The following ITPR2 variants were observed in gnomAD, a reference collection of about 807,000 sequenced individuals.
ITPR2 encodes inositol 1,4,5-trisphosphate-gated calcium channel ITPR2.
Under a neutral mutation model 317.1 loss-of-function variants are expected in ITPR2, and 207 were observed. That is an observed-to-expected ratio of 0.65 (90% confidence interval 0.58 to 0.73). ITPR2 has a LOEUF of 0.73. Among genes scored for constraint, ITPR2 ranks in the 30% least tolerant of loss-of-function variants. ITPR2 has a pLI of 0.00. For missense variants in ITPR2, 2,613 were observed against 3,284.0 expected (o/e 0.80, Z 4.99); for synonymous variants, 1,156 against 1,149.1 (o/e 1.01, Z -0.12).
At position 26,505,744 on chromosome 12, in the gene ITPR2, T is replaced by A. The variant is rs1291029591; in HGVS notation, c.5074-10484A>T. Among the ~76,000 whole-genome samples the A allele has an allele frequency of 2.6e-5, 4 of 152,148 alleles. 1 individual carries two copies. The highest frequency in any genetic ancestry group is 5.9e-5 in the Non-Finnish European group (4 of 68,024). On this transcript the variant is annotated intron_variant, in intron 37 of 56. Coordinates refer to ENST00000381340, the MANE Select transcript of ITPR2 (RefSeq NM_002223.4). ...TGATTCCAACACCTAGCCCCAAAGC[T>A]AGCAAACTAAGTACTCAATAAATAT...
At chr12:26,635,952 G>A (rs1946854728) in intron 21 of ITPR2, among the ~76,000 whole-genome samples, 1 of 152,172 alleles carries the variant, frequency 6.6e-6, no homozygotes, top group Non-Finnish European at 1.5e-5. Flanking sequence ...TAGGTAATAT[G>A]GTAGCAACCT....
intron 52 of ITPR2, among the ~76,000 whole-genome samples, chr12:26,402,428 A>C (rs1279061041): frequency 2.0e-5 from 3 of 152,228 alleles, no homozygotes; most frequent in Admixed American, 6.5e-5. Context: ...ATTAATCAGC[A>C]CATAAACGCT....
chr12:26,489,083 G>A (rs1375293481), intron 39 of ITPR2, among the ~76,000 whole-genome samples: 2 of 152,114 alleles, frequency 1.3e-5, no homozygotes, highest in Admixed American at 1.3e-4. Context: ...TTTTAAGAAC[G>A]AGGTATCTAC....
intron 2 of ITPR2, among the ~76,000 whole-genome samples, chr12:26,761,098 C>T (rs568565529): frequency 3.8e-4 from 58 of 152,240 alleles, no homozygotes; most frequent in African/African-American, 5.5e-4. Context: ...GTTTCAAGTC[C>T]GCCCCCATGG....
intron 4 of ITPR2, 74 bp from the exon 5 acceptor site, chr12:26,722,629 C>T: frequency 1.8e-6 from 2 of 1,133,436 alleles, no homozygotes; most frequent in Non-Finnish European, 2.5e-6. Flanking sequence ...ATGTTTTATA[C>T]ATGTATCATA....
chr12:26,618,844 A>C (rs1439338057), intron 26 of ITPR2, among the ~76,000 whole-genome samples: 1 of 152,268 alleles, frequency 6.6e-6, no homozygotes, highest in Non-Finnish European at 1.5e-5. Flanking sequence ...TTGCAGTTAT[A>C]CATCAACAAG....
Position 26,580,340 on chromosome 12 carries a change from C to T in ITPR2, c.4381-185G>A, listed in dbSNP as rs146506723. On this transcript the variant is annotated intron_variant, in intron 32 of 56. Transcript: ENST00000381340. ...TAATTGTATCAATCTTCAGTAGCTG[C>T]TCCATCAAGTTAGCCTGTCATTTCA... Among the ~76,000 whole-genome samples the T allele has an allele frequency of 9.1e-4, 138 of 152,242 alleles. 2 individuals are homozygous for T. Among genetic ancestry groups the T allele is most frequent in the East Asian group, 1.9e-4 (1 of 5,180 alleles).
intron 2 of ITPR2, among the ~76,000 whole-genome samples, chr12:26,740,945 C>T (rs1331325617): frequency 6.6e-6 from 1 of 152,206 alleles, no homozygotes; most frequent in East Asian, 1.9e-4. Context: ...GAGAAATGGA[C>T]CAGAGAATGA....
At chr12:26,504,995 T>C (rs1278238708) in intron 37 of ITPR2, among the ~76,000 whole-genome samples, 1 of 152,186 alleles carries the variant, frequency 6.6e-6, no homozygotes, top group Non-Finnish European at 1.5e-5. Flanking sequence ...TGCAGTATGG[T>C]ATTCAAAACG....
chr12:26,420,482 G>A (rs1397453353), intron 49 of ITPR2, among the ~76,000 whole-genome samples: 1 of 152,118 alleles, frequency 6.6e-6, no homozygotes, highest in African/African-American at 2.4e-5. Context: ...TTCAATTTCT[G>A]AAGTTCAAAT....
chr12:26,429,987 A>T (rs1488878772), intron 48 of ITPR2, among the ~76,000 whole-genome samples: 1 of 152,220 alleles, frequency 6.6e-6, no homozygotes, highest in Non-Finnish European at 1.5e-5. Context: ...CCAAGACCAT[A>T]TCTGGTTTGC....
At chr12:26,602,275 ATAAT>A (rs1946018685) in intron 28 of ITPR2, 91 bp downstream of exon 28, 2 of 1,381,838 alleles carry the variant, frequency 1.4e-6, no homozygotes, top group African/African-American at 2.9e-5. Context: ...TTATTCTAAA[ATAAT>A]TAAGAAAGAA....
chr12:26,761,191 A>G (rs1949625628), intron 2 of ITPR2, among the ~76,000 whole-genome samples: 2 of 151,418 alleles, frequency 1.3e-5, no homozygotes, highest in South Asian at 4.2e-4. Flanking sequence ...ATACCTACTG[A>G]CCCAGGCACC....
intron 10 of ITPR2, among the ~76,000 whole-genome samples, chr12:26,691,558 A>G (rs555305498): frequency 4.7e-4 from 71 of 152,260 alleles, no homozygotes; most frequent in Non-Finnish European, 9.0e-4. Context: ...AGAAAGCCAC[A>G]TAGCCTCTCA....
At chr12:26,504,395 T>A (rs1456201341) in intron 37 of ITPR2, among the ~76,000 whole-genome samples, 1 of 152,132 alleles carries the variant, frequency 6.6e-6, no homozygotes, top group Admixed American at 6.6e-5. Context: ...TACATGACTA[T>A]ACAAAGAGTG....
intron 1 of ITPR2, among the ~76,000 whole-genome samples, chr12:26,810,908 C>T (rs912596605): frequency 6.6e-6 from 1 of 152,014 alleles, no homozygotes; most frequent in African/African-American, 2.4e-5. Flanking sequence ...GCAAGCAATC[C>T]TCCTGCCTCA....
At chr12:26,639,054 G>C (rs1946923490) in intron 21 of ITPR2, among the ~76,000 whole-genome samples, 1 of 152,154 alleles carries the variant, frequency 6.6e-6, no homozygotes. Flanking sequence ...CTTTGCTTCT[G>C]TGCCAGTCAA....
Position 26,832,906 on chromosome 12 carries a change from G to T in ITPR2, c.-125C>A. The stretch of plus-strand genomic sequence containing the variant: ...ACTACAGCGGCCAAGAGCCGCGGCG[G>T]AGGGCACGGCCCGAGCCACTGAGCG... On this transcript the variant is annotated 5_prime_UTR_variant, in exon 1 of 57. Coordinates refer to ENST00000381340, the MANE Select transcript of ITPR2 (RefSeq NM_002223.4). The T allele has an allele frequency of 1.4e-6, 1 of 736,342 alleles. No individual in the cohort carries two copies. The highest frequency in any genetic ancestry group is 3.2e-5 in the East Asian group (1 of 30,786). The allele number at this position is 736,342 out of a possible 1,614,324, so 45.6% of individuals were successfully genotyped here.
chr12:26,595,951 G>A (rs1945832476), intron 31 of ITPR2, among the ~76,000 whole-genome samples: 3 of 151,780 alleles, frequency 2.0e-5, no homozygotes, highest in Admixed American at 2.0e-4. Flanking sequence ...CCTCCCAACA[G>A]TAGAAAAGAA....
Sources: gnomAD v4.1 joint callset for allele counts (sites outside exome capture counted in the v4.1 genomes callset) on GRCh38, gnomAD v4.1.1 for gene constraint, MANE v1.5 for transcripts, NCBI Gene and HGNC (gene_info 2026-07-23, HGNC 2026-07-21) for gene names.